Variants in INTS9 observed in about 807,000 individuals in gnomAD.
INTS9 encodes protein related to CPSF subunits of 74 kDa.
Under a neutral mutation model 79.7 loss-of-function variants are expected in INTS9, and 55 were observed. That is an observed-to-expected ratio of 0.69 (90% CI 0.56 to 0.86). The LOEUF (loss-of-function observed/expected upper bound fraction) is 0.86. Among genes scored for constraint, INTS9 ranks in the 40% least tolerant of loss-of-function variants. The pLI is 0.00. For synonymous variants in INTS9, 319 were observed against 325.2 expected (o/e 0.98, Z 0.20); for missense variants, 721 against 831.5 (o/e 0.87, Z 1.64).
At chr8:28,856,102 TTGA>T (rs934329205) in intron 2 of INTS9, among the ~76,000 whole-genome samples, 6 of 152,170 alleles carry the variant, frequency 3.9e-5, no homozygotes, top group Non-Finnish European at 1.5e-5. Flanking sequence ...AAGATGAGAA[TTGA>T]TGAAACTGGT....
At chr8:28,844,825 A>C (rs995058705) in intron 4 of INTS9, among the ~76,000 whole-genome samples, 1 of 152,074 alleles carries the variant, frequency 6.6e-6, no homozygotes, top group East Asian at 1.9e-4. Context: ...CAAAAAAAAA[A>C]TTTTTCTTTT....
chr8:28,889,750 C>G, intron 1 of INTS9, 124 bp downstream of exon 1: 1 of 1,078,928 alleles, frequency 9.3e-7, no homozygotes, highest in Non-Finnish European at 1.4e-6. Context: ...TTAGCCCACT[C>G]CACTTTCCAG....
chr8:28,800,500 G>C (rs1261865107), intron 8 of INTS9, among the ~76,000 whole-genome samples: 1 of 152,214 alleles, frequency 6.6e-6, no homozygotes, highest in African/African-American at 2.4e-5. Context: ...GTCTGAAGCA[G>C]CAAATGACAT....
chr8:28,862,809 T>C (rs1432018204), intron 1 of INTS9, among the ~76,000 whole-genome samples: 1 of 152,222 alleles, frequency 6.6e-6, no homozygotes, highest in African/African-American at 2.4e-5. Context: ...CAAGGAAAGT[T>C]AACTATTTGA....
chr8:28,818,391 C>G (rs1298732951), intron 6 of INTS9, among the ~76,000 whole-genome samples: 5 of 150,820 alleles, frequency 3.3e-5, no homozygotes, highest in Admixed American at 6.6e-5. Context: ...AAGGCCTTTT[C>G]TGCATCTATT....
intron 6 of INTS9, among the ~76,000 whole-genome samples, chr8:28,817,077 G>A (rs1353674509): frequency 6.7e-6 from 1 of 149,418 alleles, no homozygotes; most frequent in Non-Finnish European, 1.5e-5. Context: ...TGAGTAGGTT[G>A]CGAAAATTTT....
intron 11 of INTS9, among the ~76,000 whole-genome samples, chr8:28,783,353 C>T (rs1417793300): frequency 6.6e-6 from 1 of 152,124 alleles, no homozygotes; most frequent in Non-Finnish European, 1.5e-5. Flanking sequence ...CTGCCCAGGC[C>T]TCCTTGCCCC....
At position 28,845,536 on chromosome 8, in the gene INTS9, A is replaced by G. The variant is rs537763369; in HGVS notation, c.261+1211T>C. ...AGCTGAGTACCCTATAGAGCAAGTC[A>G]GAAAGCCATCGGGACAGCAATTCAT... On this transcript the variant is annotated intron_variant, in intron 4 of 16. Coordinates refer to ENST00000521022, the MANE Select transcript of INTS9 (RefSeq NM_018250.4). Among the ~76,000 whole-genome samples, 3 of 152,366 alleles carry G rather than the reference A, an allele frequency of 2.0e-5. No homozygotes were observed. The East Asian group carries it at 5.8e-4, about 29-fold the overall frequency.
Position 28,771,119 on chromosome 8 carries a change from A to G in INTS9, c.1564-39T>C, listed in dbSNP as rs1802513089. The G allele has an allele frequency of 2.3e-6, 3 of 1,287,010 alleles. No homozygotes were observed. The Admixed American group carries it at 5.7e-5, about 25-fold the overall frequency. 79.7% of individuals were successfully genotyped at this position (1,287,010 alleles called of 1,614,324 possible). A position where few individuals can be genotyped will look rare whatever the true frequency, so the allele number is the denominator to read the frequency against. On this transcript the variant is annotated intron_variant, in intron 14 of 16. Transcript: ENST00000521022. Reference sequence around the variant, plus strand: ...GCGCAGTTCAGGCTGGGGGCCTTTAATGATGACCATTACTCTTCCTTTAAT... The same window carrying G: ...GCGCAGTTCAGGCTGGGGGCCTTTAGTGATGACCATTACTCTTCCTTTAAT...
chr8:28,847,218 T>C (rs966712622), intron 3 of INTS9, among the ~76,000 whole-genome samples: 2 of 152,218 alleles, frequency 1.3e-5, no homozygotes, highest in Non-Finnish European at 2.9e-5. Flanking sequence ...AAACTGGGGA[T>C]GAGGCCATGG....
rs1482055126 is a variant in INTS9 at position 28,859,425 on chromosome 8, C to G, written c.137+11G>C. 1 of 1,613,424 alleles carries G rather than the reference C, an allele frequency of 6.2e-7. No individual in the cohort carries two copies. The highest frequency in any genetic ancestry group is 8.5e-7 in the Non-Finnish European group (1 of 1,179,776). On this transcript the variant is annotated intron_variant, in intron 2 of 16. Transcript: ENST00000521022. ...AAAGCTCATTTTGTCTTTGGCTGCA[C>G]CAGCACATACCTTTGAACAAGTGGC...
intron 14 of INTS9, among the ~76,000 whole-genome samples, chr8:28,774,517 A>T (rs1027940533): frequency 6.6e-6 from 1 of 151,806 alleles, no homozygotes; most frequent in African/African-American, 2.4e-5. Context: ...GACAAAAACA[A>T]TCCAGAGAAA....
intron 1 of INTS9, among the ~76,000 whole-genome samples, chr8:28,881,740 C>T (rs1809834962): frequency 6.7e-6 from 1 of 149,030 alleles, no homozygotes; most frequent in African/African-American, 2.5e-5. Flanking sequence ...GCCGCCCCGT[C>T]CGGGAGGTGA....
intron 8 of INTS9, among the ~76,000 whole-genome samples, chr8:28,802,097 C>T (rs780124442): frequency 1.3e-5 from 2 of 152,194 alleles, no homozygotes; most frequent in African/African-American, 2.4e-5. Context: ...AAGAATAAAA[C>T]ATCATAAGCT....
intron 5 of INTS9, among the ~76,000 whole-genome samples, chr8:28,836,189 A>G (rs1412832106): frequency 6.6e-6 from 1 of 152,186 alleles, no homozygotes. Context: ...GTGGAAGAAT[A>G]CTCCAAGGAC....
rs765748665 is a variant in INTS9, at chr8:28,870,098, C to T, written c.10-10535G>A. 2.7e-4 allele frequency among the ~76,000 whole-genome samples: 41 copies of T among 152,010 alleles called. 2 individuals carry two copies. The highest frequency in any genetic ancestry group is 1.0e-4 in the Non-Finnish European group (7 of 68,002). On this transcript the variant is annotated intron_variant, in intron 1 of 16. Transcript: ENST00000521022. ...GGCTATCTGGAACCAGCACTTAATA[C>T]ACGTTAAGAAGTAATTATAGTTGAT... is the stretch of plus-strand genomic sequence containing the variant.
chr8:28,833,933 G>A (rs1018419070), intron 6 of INTS9, among the ~76,000 whole-genome samples: 3 of 151,944 alleles, frequency 2.0e-5, no homozygotes, highest in Non-Finnish European at 4.4e-5. Flanking sequence ...AGCACTCTAC[G>A]GCAACTCACC....
At chr8:28,771,170 A>G (rs957186559) in intron 14 of INTS9, 90 bp from the exon 15 acceptor site, 8 of 983,776 alleles carry the variant, frequency 8.1e-6, no homozygotes, top group African/African-American at 6.4e-5. Flanking sequence ...TGCAGTCTAA[A>G]AAGATGAAAT....
At chr8:28,825,277 T>TAC (rs1480213751) in intron 6 of INTS9, among the ~76,000 whole-genome samples, 1 of 152,148 alleles carries the variant, frequency 6.6e-6, no homozygotes, top group Non-Finnish European at 1.5e-5. Flanking sequence ...TGGGAGTGGC[T>TAC]AGAGAGCAGG....
Sources: allele counts gnomAD v4.1 joint callset (sites outside exome capture counted in the v4.1 genomes callset), GRCh38; gene constraint gnomAD v4.1.1; transcripts MANE v1.5; gene names NCBI Gene and HGNC (gene_info 2026-07-23, HGNC 2026-07-21).